Variants in DGKB observed in about 807,000 individuals in gnomAD.
DGKB encodes the protein 90 kDa diacylglycerol kinase.
In DGKB, 67 loss-of-function variants were observed where a neutral mutation model predicts 114.3. That is an observed-to-expected ratio of 0.59 (90% CI 0.48 to 0.72). The LOEUF (loss-of-function observed/expected upper bound fraction) is 0.72. DGKB is among the 30% of genes least tolerant of loss of function. The pLI is 0.00. For synonymous variants in DGKB, 398 were observed against 323.1 expected (o/e 1.23, Z -2.49); for missense variants, 907 against 975.2 (o/e 0.93, Z 0.93).
intron 23 of DGKB, among the ~76,000 whole-genome samples, chr7:14,236,368 CA>C (rs5882436): frequency 0.61 from 92,101 of 150,474 alleles, 29,500 homozygotes; most frequent in African/African-American, 0.81. Flanking sequence ...TTATTTCTGC[CA>C]AAAAAAAGGA....
At chr7:14,254,498 T>C (rs879782513) in intron 23 of DGKB, among the ~76,000 whole-genome samples, 5 of 152,168 alleles carry the variant, frequency 3.3e-5, no homozygotes, top group Non-Finnish European at 5.9e-5. Context: ...AGATATACAC[T>C]AGATAAAATG....
intron 20 of DGKB, among the ~76,000 whole-genome samples, chr7:14,544,662 A>G (rs955622182): frequency 6.6e-6 from 1 of 152,204 alleles, no homozygotes; most frequent in Non-Finnish European, 1.5e-5. Context: ...AAAATTCTCA[A>G]TTATATTAGT....
intron 23 of DGKB, among the ~76,000 whole-genome samples, chr7:14,306,850 T>C (rs573688162): frequency 6.6e-6 from 1 of 152,322 alleles, no homozygotes; most frequent in Admixed American, 6.5e-5. Context: ...ACGATGCTTT[T>C]GGCTCTTCAA....
chr7:14,213,472 C>T (rs192899912), intron 23 of DGKB, among the ~76,000 whole-genome samples: 279 of 152,212 alleles, frequency 1.8e-3, no homozygotes, highest in African/African-American at 6.3e-3. Context: ...TCATTTATTC[C>T]ATAATATCTT....
intron 23 of DGKB, among the ~76,000 whole-genome samples, chr7:14,337,258 C>T (rs767244439): frequency 1.8e-4 from 27 of 151,786 alleles, no homozygotes; most frequent in East Asian, 3.9e-4. Flanking sequence ...TCATATAGCA[C>T]GAACCTCATT....
intron 23 of DGKB, among the ~76,000 whole-genome samples, chr7:14,263,031 C>G (rs1340751847): frequency 6.6e-6 from 1 of 151,974 alleles, no homozygotes; most frequent in Non-Finnish European, 1.5e-5. Flanking sequence ...GCTGCACATT[C>G]TATCTTAGAA....
At chr7:14,644,628 T>C (rs1812542478) in intron 13 of DGKB, among the ~76,000 whole-genome samples, 1 of 152,118 alleles carries the variant, frequency 6.6e-6, no homozygotes, top group South Asian at 2.1e-4. Context: ...GACAGATCTT[T>C]TGAAGTATCC....
chr7:14,180,241 G>A (rs1298494473), intron 23 of DGKB, among the ~76,000 whole-genome samples: 1 of 152,120 alleles, frequency 6.6e-6, no homozygotes, highest in Non-Finnish European at 1.5e-5. Flanking sequence ...TCTGAAACTG[G>A]TTGATGGGAA....
At position 14,250,167 on chromosome 7, in the gene DGKB, C is replaced by G. The variant is rs139476748; in HGVS notation, c.2123-72016G>C. ...TTTTTTTGGTAGAAATGCGGTTTCA[C>G]CATGTTGCCTAGGCTGGTCTTGAAT... On this transcript the variant is annotated intron_variant, in intron 23 of 25. Transcript: ENST00000402815. 7.7e-3 allele frequency among the ~76,000 whole-genome samples: 1,159 copies of G among 149,882 alleles called. 18 individuals are homozygous for G. The highest frequency in any genetic ancestry group is 0.026 in the African/African-American group (1,054 of 40,894).
intron 23 of DGKB, among the ~76,000 whole-genome samples, chr7:14,204,540 A>G (rs896184832): frequency 6.6e-6 from 1 of 152,016 alleles, no homozygotes; most frequent in Admixed American, 6.6e-5. Context: ...GAAACATACA[A>G]CGGCTGAGAA....
chr7:14,432,850 CT>C (rs745720954), intron 21 of DGKB, among the ~76,000 whole-genome samples: 1 of 152,012 alleles, frequency 6.6e-6, no homozygotes, highest in Non-Finnish European at 1.5e-5. Flanking sequence ...GCTCCAGAAC[CT>C]TTTTATTTTA....
intron 2 of DGKB, among the ~76,000 whole-genome samples, chr7:14,759,481 G>T (rs575902637): frequency 9.2e-5 from 14 of 152,116 alleles, no homozygotes; most frequent in Admixed American, 7.9e-4. Context: ...GCCTATTCTG[G>T]ATATTTCATG....
chr7:14,696,282 A>T (rs1823871702), intron 8 of DGKB, among the ~76,000 whole-genome samples: 1 of 151,746 alleles, frequency 6.6e-6, no homozygotes, highest in Admixed American at 6.6e-5. Context: ...TCAGGAGGTC[A>T]GGAGATCGAG....
At chr7:14,487,507 A>G (rs2128924941) in intron 20 of DGKB, among the ~76,000 whole-genome samples, 1 of 151,028 alleles carries the variant, frequency 6.6e-6, no homozygotes, top group East Asian at 1.9e-4. Flanking sequence ...CATTGTAACT[A>G]TTTCTAAATA....
chr7:14,387,538 G>C lies in DGKB; in HGVS notation c.1836-42147C>G, dbSNP rs115194361. On this transcript the variant is annotated intron_variant, in intron 21 of 25. Transcript: ENST00000402815. ...AGCAATCCTCCCACCTAAGCCTTCA[G>C]AGTAGCTGGGACTATAGGTCTGTGC... Among the ~76,000 whole-genome samples the C allele has an allele frequency of 7.7e-4, 117 of 152,100 alleles. 1 individual carries two copies. The highest frequency in any genetic ancestry group is 2.7e-3 in the African/African-American group (111 of 41,514).
At chr7:14,407,612 C>A (rs935760105) in intron 21 of DGKB, among the ~76,000 whole-genome samples, 5 of 151,992 alleles carry the variant, frequency 3.3e-5, no homozygotes, top group African/African-American at 1.2e-4. Context: ...GCTAAAATTT[C>A]GTTGGCCAAA....
chr7:14,972,021 C>A (rs1289093481), intron 1 of DGKB, among the ~76,000 whole-genome samples: 4 of 152,130 alleles, frequency 2.6e-5, no homozygotes, highest in Non-Finnish European at 5.9e-5. Context: ...GCAGGGATTA[C>A]AGGTGTGAGC....
chr7:14,532,372 T>G (rs1791741423), intron 20 of DGKB, among the ~76,000 whole-genome samples: 3 of 151,426 alleles, frequency 2.0e-5, no homozygotes, highest in African/African-American at 7.2e-5. Flanking sequence ...AAGATCTAAC[T>G]ATACATACTG....
chr7:14,540,615 T>C (rs946880140), intron 20 of DGKB, among the ~76,000 whole-genome samples: 4 of 152,206 alleles, frequency 2.6e-5, no homozygotes, highest in Admixed American at 6.5e-5. Flanking sequence ...ACCTTCTACA[T>C]TGGTAATATA....
Sources: allele counts gnomAD v4.1 joint callset (sites outside exome capture counted in the v4.1 genomes callset), GRCh38; gene constraint gnomAD v4.1.1; transcripts MANE v1.5; gene names NCBI Gene and HGNC (gene_info 2026-07-23, HGNC 2026-07-21).